Variants in KCND2 observed in about 807,000 individuals in gnomAD.
The protein encoded by KCND2 is potassium voltage-gated channel subfamily D member 2.
A neutral mutation model predicts 54.4 loss-of-function variants in KCND2; 16 were observed. The observed-to-expected ratio is 0.29, with a 90% CI of 0.20 to 0.45. KCND2 has a LOEUF of 0.45. KCND2 is among the 20% of genes least tolerant of loss of function. The pLI, the probability that KCND2 is intolerant of heterozygous loss-of-function variation, is 1.00. For synonymous variants in KCND2, 317 were observed against 310.7 expected (o/e 1.02, Z -0.21); for missense variants, 486 against 824.2 (o/e 0.59, Z 5.02).
chr7:120,320,992 A>G (rs536510180), intron 1 of KCND2, among the ~76,000 whole-genome samples: 1 of 152,128 alleles, frequency 6.6e-6, no homozygotes, highest in Non-Finnish European at 1.5e-5. Context: ...CAAGTTTCGA[A>G]TCTAGGTCAG....
intron 1 of KCND2, among the ~76,000 whole-genome samples, chr7:120,616,095 A>G (rs1793020430): frequency 6.6e-6 from 1 of 152,180 alleles, no homozygotes; most frequent in South Asian, 2.1e-4. Context: ...GAAGGAAGGG[A>G]AGAAAAAAGG....
In KCND2 at chr7:120,321,947, A is replaced by T. The variant is rs192422363; in HGVS notation, c.1115+46200A>T. Among the ~76,000 whole-genome samples, 32 of 152,244 alleles carry T rather than the reference A, an allele frequency of 2.1e-4. 1 individual carries two copies. In the South Asian group the frequency reaches 6.0e-3, roughly 29 times the overall value. Reference sequence around the variant, plus strand: ...CAAGTGCAGTATGGAAGCTCAGAGAAGATGATGTTAATATTAATGAGAAAA... The same window carrying T: ...CAAGTGCAGTATGGAAGCTCAGAGATGATGATGTTAATATTAATGAGAAAA... On this transcript the variant is annotated intron_variant, in intron 1 of 5. Transcript: ENST00000331113.
chr7:120,315,127 A>G (rs1261178221), intron 1 of KCND2, among the ~76,000 whole-genome samples: 1 of 152,154 alleles, frequency 6.6e-6, no homozygotes, highest in Non-Finnish European at 1.5e-5. Context: ...AAAAGCATCT[A>G]TTAATATGAT....
At position 120,352,197 on chromosome 7, in the gene KCND2, A is replaced by G. The variant is rs572336931; in HGVS notation, c.1115+76450A>G. Among the ~76,000 whole-genome samples, 13 of 151,726 alleles carry G rather than the reference A, an allele frequency of 8.6e-5. No homozygotes were observed. In the East Asian group the frequency reaches 2.5e-3, roughly 30 times the overall value. ...ATGATCAACCCACCTCAGCCTCCCA[A>G]AGTGCTGGGATTACAGGCATGAGCC... On this transcript the variant is annotated intron_variant, in intron 1 of 5. Transcript: ENST00000331113.
At chr7:120,347,904 C>G (rs1800344261) in intron 1 of KCND2, among the ~76,000 whole-genome samples, 1 of 152,142 alleles carries the variant, frequency 6.6e-6, no homozygotes, top group African/African-American at 2.4e-5. Flanking sequence ...AGGGTGCCAG[C>G]ATGGTGAGGG....
intron 1 of KCND2, among the ~76,000 whole-genome samples, chr7:120,384,096 A>G (rs1179257351): frequency 4.3e-4 from 65 of 152,038 alleles, no homozygotes; most frequent in Non-Finnish European, 1.2e-4. Context: ...TCCCATAATC[A>G]TCTTTAGATT....
intron 1 of KCND2, among the ~76,000 whole-genome samples, chr7:120,286,929 T>C (rs1424316919): frequency 6.6e-6 from 1 of 152,086 alleles, no homozygotes; most frequent in African/African-American, 2.4e-5. Context: ...AAAAATTATG[T>C]TGAATAAAAC....
chr7:120,604,899 A>G (rs922728686), intron 1 of KCND2, among the ~76,000 whole-genome samples: 6 of 152,332 alleles, frequency 3.9e-5, no homozygotes, highest in Non-Finnish European at 8.8e-5. Context: ...TTATTCATAT[A>G]AGAAAATTAT....
intron 1 of KCND2, among the ~76,000 whole-genome samples, chr7:120,633,162 T>C (rs1346052045): frequency 6.6e-6 from 1 of 152,174 alleles, no homozygotes; most frequent in African/African-American, 2.4e-5. Context: ...GCAGAAGATA[T>C]CATTCTTTTT....
rs951771702 is a variant in KCND2, at chr7:120,464,133, T to C, written c.1115+188386T>C. The C allele has an allele frequency of 1.4e-5, 13 of 912,216 alleles. No homozygotes were observed. In the African/African-American group the frequency reaches 2.2e-4, roughly 15 times the overall value. The allele number at this position is 912,216 out of a possible 1,614,324, so 56.5% of individuals were successfully genotyped here. A position where few individuals can be genotyped will look rare whatever the true frequency, so the allele number is the denominator to read the frequency against. ...TTCCCCCTAGCTATCATTTAGACTA[T>C]ACTGCTATATCAAATTGTATTGTCA... On this transcript the variant is annotated intron_variant, in intron 1 of 5. Transcript: ENST00000331113.
chr7:120,691,352 G>A (rs569986685), intron 1 of KCND2, among the ~76,000 whole-genome samples: 2 of 152,312 alleles, frequency 1.3e-5, no homozygotes, highest in South Asian at 4.1e-4. Context: ...CACCATGGGG[G>A]GAGAAGATGG....
At chr7:120,391,420 G>T (rs1267982660) in intron 1 of KCND2, among the ~76,000 whole-genome samples, 2 of 152,074 alleles carry the variant, frequency 1.3e-5, no homozygotes, top group African/African-American at 4.8e-5. Context: ...ATAATCTTCT[G>T]GGTATATACC....
Position 120,382,456 on chromosome 7 carries a change from CATT to C in KCND2, c.1115+106714_1115+106716del, listed in dbSNP as rs778259667. ...TAATAAATGAACTAATAGTTTCTGT[CATT>C]ATTAGAATTCAAATATAAATGTAAT... On this transcript the variant is annotated intron_variant, in intron 1 of 5. Coordinates refer to ENST00000331113, the MANE Select transcript of KCND2 (RefSeq NM_012281.3). 1.6e-4 allele frequency among the ~76,000 whole-genome samples: 24 copies of C among 151,902 alleles called. No individual in the cohort carries two copies. In the East Asian group the frequency reaches 3.1e-3, roughly 20 times the overall value.
intron 1 of KCND2, among the ~76,000 whole-genome samples, chr7:120,363,315 C>G (rs1159268068): frequency 6.6e-6 from 1 of 151,974 alleles, no homozygotes; most frequent in Non-Finnish European, 1.5e-5. Context: ...ATATATATAT[C>G]TCCTTGGATG....
At chr7:120,351,622 T>C (rs959480352) in intron 1 of KCND2, among the ~76,000 whole-genome samples, 4 of 152,010 alleles carry the variant, frequency 2.6e-5, no homozygotes, top group Non-Finnish European at 2.9e-5. Context: ...TAATTTATTT[T>C]CAACGTTTAT....
At chr7:120,352,233 G>T (rs749709772) in intron 1 of KCND2, among the ~76,000 whole-genome samples, 2 of 151,994 alleles carry the variant, frequency 1.3e-5, no homozygotes, top group Non-Finnish European at 2.9e-5. Context: ...ACCAGGCTGG[G>T]CCCTCTCTTC....
chr7:120,683,313 C>T (rs2116592471), intron 1 of KCND2, among the ~76,000 whole-genome samples: 1 of 152,108 alleles, frequency 6.6e-6, no homozygotes, highest in South Asian at 2.1e-4. Flanking sequence ...TACTAGTTGG[C>T]ATTTATTAAA....
intron 1 of KCND2, among the ~76,000 whole-genome samples, chr7:120,492,077 G>A (rs1359442233): frequency 1.3e-5 from 2 of 152,064 alleles, no homozygotes; most frequent in East Asian, 3.9e-4. Flanking sequence ...TTGCCTGACC[G>A]TGCTATTTCA....
At chr7:120,388,154 T>C (rs1333802528) in intron 1 of KCND2, among the ~76,000 whole-genome samples, 1 of 152,060 alleles carries the variant, frequency 6.6e-6, no homozygotes, top group Non-Finnish European at 1.5e-5. Flanking sequence ...TTTCTGGTGA[T>C]GTAGAAAATT....
Sources: allele counts gnomAD v4.1 joint callset (sites outside exome capture counted in the v4.1 genomes callset), GRCh38; gene constraint gnomAD v4.1.1; transcripts MANE v1.5; gene names NCBI Gene and HGNC (gene_info 2026-07-23, HGNC 2026-07-21).